The following CCR6 variants were observed in gnomAD, a reference collection of about 807,000 sequenced individuals.
CCR6 encodes the protein C-C motif chemokine receptor 6.
Under a neutral mutation model 3.0 loss-of-function variants are expected in CCR6, and 2 were observed. That is an observed-to-expected ratio of 0.66 (90% confidence interval 0.27 to 2.07). CCR6 has a LOEUF of 2.07. Ranked by LOEUF, CCR6 falls within the 30% of genes most tolerant of loss-of-function variation. The probability of loss-of-function intolerance (pLI) is 0.14; values close to 1 mark genes in which losing one functional copy is unlikely to be tolerated. For synonymous variants in CCR6, 193 were observed against 184.3 expected (o/e 1.05, Z -0.38); for missense variants, 322 against 462.8 (o/e 0.70, Z 2.79).
intron 1 of CCR6, chr6:167,115,470 C>CT (rs1191712787): frequency 6.6e-6 from 1 of 152,220 alleles, no homozygotes; most frequent in Non-Finnish European, 1.5e-5. Flanking sequence ...AACAATACCT[C>CT]TTTTTCCACA....
intron 1 of CCR6, among the ~76,000 whole-genome samples, chr6:167,114,779 T>A (rs1781468750): frequency 6.6e-6 from 1 of 152,186 alleles, no homozygotes. Context: ...TGAATCTGGG[T>A]CACCGAGCAG....
rs1562559576 is a variant in CCR6 at position 167,130,972 on chromosome 6, GACCA to G, written c.-97-5065_-97-5062del. 3.9e-3 allele frequency among the ~76,000 whole-genome samples: 471 copies of G among 120,766 alleles called. 12 individuals are homozygous for G. The highest frequency in any genetic ancestry group is 0.012 in the Middle Eastern group (3 of 246). The allele number at this position is 120,766 out of a possible 152,430, so 79.2% of individuals were successfully genotyped here. On this transcript the variant is annotated intron_variant, in intron 1 of 2. Transcript: ENST00000341935. ...CTCCCTCCGGGACTCCTCCCTCTGG[GACCA>G]CCCTCCCTCTGGACCCCCTCCCTTT...
At chr6:167,134,833 A>G (rs1228407444) in intron 1 of CCR6, 3 of 152,296 alleles carry the variant, frequency 2.0e-5, no homozygotes, top group African/African-American at 2.4e-5. Flanking sequence ...CATGGATTTT[A>G]CTGGGGGACG....
intron 1 of CCR6, among the ~76,000 whole-genome samples, chr6:167,123,497 A>G (rs778984718): frequency 6.6e-6 from 1 of 152,222 alleles, no homozygotes; most frequent in Non-Finnish European, 1.5e-5. Flanking sequence ...CTCCTCATAC[A>G]GGAGATATCC....
chr6:167,123,080 A>T (rs927442489), upstream of CCR6: 1 of 152,738 alleles, frequency 6.5e-6, no homozygotes, highest in Admixed American at 6.5e-5. Context: ...CTTTTGGGCA[A>T]TTCTAGTAGC....
chr6:167,123,556 C>G (rs1340642348), intron 1 of CCR6, among the ~76,000 whole-genome samples: 1 of 152,154 alleles, frequency 6.6e-6, no homozygotes, highest in African/African-American at 2.4e-5. Flanking sequence ...TGATCAAATA[C>G]ACTGAAAGAT....
intron 1 of CCR6, among the ~76,000 whole-genome samples, chr6:167,124,568 T>C (rs896007103): frequency 3.3e-5 from 5 of 152,340 alleles, no homozygotes; most frequent in African/African-American, 1.2e-4. Flanking sequence ...GGGAATTCTA[T>C]GGCATTTCAC....
At chr6:167,116,468 G>C (rs1781495098) in intron 1 of CCR6, among the ~76,000 whole-genome samples, 1 of 152,182 alleles carries the variant, frequency 6.6e-6, no homozygotes. Flanking sequence ...CCACAGCGCG[G>C]CAGATCCCTG....
At chr6:167,133,932 G>GTGTGTGTGTATATA (rs1183741225) in intron 1 of CCR6, among the ~76,000 whole-genome samples, 1 of 110,340 alleles carries the variant, frequency 9.1e-6, no homozygotes, top group Non-Finnish European at 1.7e-5. Flanking sequence ...ATATATGTGT[G>GTGTGTGTGTATATA]TATATATATA....
chr6:167,132,760 C>G lies in CCR6; in HGVS notation c.-97-3278C>G, dbSNP rs139497473. 4.1e-3 allele frequency among the ~76,000 whole-genome samples: 622 copies of G among 152,286 alleles called. 4 individuals are homozygous for G. Among genetic ancestry groups the G allele is most frequent in the Non-Finnish European group, 4.6e-3 (315 of 68,036 alleles). ...TTCACCATGTTGGCCAGGATGGTCT[C>G]GAACTCCTGGACTTAAGTGGTCCGT... On this transcript the variant is annotated intron_variant, in intron 1 of 2. Coordinates refer to ENST00000341935, the MANE Select transcript of CCR6 (RefSeq NM_031409.4).
At position 167,137,101 on chromosome 6, in the gene CCR6, G is replaced by T; in HGVS notation, c.871G>T (p.Glu291Ter). Reference sequence around the variant, plus strand: ...TAAAATGAACCGATCCTGCCAGAGCGAAAAGCTAATTGGCTATACGAAAAC... The same window carrying T: ...TAAAATGAACCGATCCTGCCAGAGCTAAAAGCTAATTGGCTATACGAAAAC... ...LGKMNRSCQS[E>*]KLIGYTKTVT... Residue 291 changes from glutamate (E) to a stop codon, truncating the protein, a stop_gained, in exon 3 of 3, where the codon GAA (glutamate) becomes TAA (stop). Transcript: ENST00000341935. LOFTEE classifies it low-confidence loss of function (END_TRUNC). The surrounding 1 kb of genome is among the most constrained non-coding windows in gnomAD (Gnocchi z 4.6). 6.2e-7 allele frequency: 1 copy of T among 1,614,144 alleles called. No homozygotes were observed. Among genetic ancestry groups the T allele is most frequent in the Non-Finnish European group, 8.5e-7 (1 of 1,180,050 alleles).
At position 167,138,299 on chromosome 6, in the gene CCR6, A is replaced by C. The variant is rs559501180; in HGVS notation, c.*944A>C. The C allele has an allele frequency of 7.6e-6, 1 of 131,372 alleles. No individual in the cohort carries two copies. Among genetic ancestry groups the C allele is most frequent in the Non-Finnish European group, 1.6e-5 (1 of 62,948 alleles). The allele number at this position is 131,372 out of a possible 1,614,324, so 8.1% of individuals were successfully genotyped here. A position where few individuals can be genotyped will look rare whatever the true frequency, so the allele number is the denominator to read the frequency against. On this transcript the variant is annotated 3_prime_UTR_variant, in exon 3 of 3. Transcript: ENST00000341935. The stretch of plus-strand genomic sequence containing the variant: ...TTAGATGTTTTTAATTTTTTAAATA[A>C]ATGGAATACTTTTTTTTTTTTTTTA...
At chr6:167,133,932 G>GTGTGTATA (rs1183741225) in intron 1 of CCR6, among the ~76,000 whole-genome samples, 1,456 of 110,316 alleles carry the variant, frequency 0.013, 43 homozygotes, top group Non-Finnish European at 0.019. Flanking sequence ...ATATATGTGT[G>GTGTGTATA]TATATATATA....
chr6:167,137,634 A>C lies in CCR6; in HGVS notation c.*279A>C. On this transcript the variant is annotated 3_prime_UTR_variant, in exon 3 of 3. Transcript: ENST00000341935. The surrounding 1 kb of genome is among the most constrained non-coding windows in gnomAD (Gnocchi z 4.6). Reference sequence around the variant, plus strand: ...CAAAACAGCCTTTGGGAAATGCTGAATTAAAGTGAATTGTTGACAAATGTA... The same window carrying C: ...CAAAACAGCCTTTGGGAAATGCTGACTTAAAGTGAATTGTTGACAAATGTA... The C allele has an allele frequency of 6.9e-6, 2 of 291,728 alleles. No individual in the cohort carries two copies. Among genetic ancestry groups the C allele is most frequent in the Middle Eastern group, 1.1e-3 (1 of 952 alleles). 18.1% of individuals were successfully genotyped at this position (291,728 alleles called of 1,614,324 possible). A position where few individuals can be genotyped will look rare whatever the true frequency, so the allele number is the denominator to read the frequency against.
Position 167,138,540 on chromosome 6 carries a change from A to C in CCR6, c.*1185A>C, listed in dbSNP as rs1490706608. 6.6e-6 allele frequency: 1 copy of C among 152,372 alleles called. No homozygotes were observed. Among genetic ancestry groups the C allele is most frequent in the Non-Finnish European group, 1.5e-5 (1 of 68,044 alleles). 9.4% of individuals were successfully genotyped at this position (152,372 alleles called of 1,614,324 possible). On this transcript the variant is annotated 3_prime_UTR_variant, in exon 3 of 3. Coordinates refer to ENST00000341935, the MANE Select transcript of CCR6 (RefSeq NM_031409.4). The stretch of plus-strand genomic sequence containing the variant: ...AACAGCTCTCTTCAATGACATAGAA[A>C]GTTCATGGAACTCATGTTTTTAAAG...
rs768669286 is a variant in CCR6 at position 167,136,666 on chromosome 6, G to A, written c.436G>A (p.Ala146Thr). ...LTCISMDRYI[A>T]IVQATKSFRL... ...TTGCATTAGCATGGACCGGTACATC[G>A]CCATTGTACAGGCGACTAAGTCATT... Residue 146 changes from alanine to threonine, a missense_variant, in exon 3 of 3, where the codon GCC becomes ACC. By Grantham distance (58) the Ala-to-Thr change is moderately conservative. Transcript: ENST00000341935. The surrounding 1 kb of genome is among the most constrained non-coding windows in gnomAD (Gnocchi z 4.6). 2.5e-6 allele frequency: 4 copies of A among 1,614,088 alleles called. No individual in the cohort carries two copies. The highest frequency in any genetic ancestry group is 1.1e-5 in the South Asian group (1 of 91,084).
chr6:167,136,524 T>A lies in CCR6; in HGVS notation c.294T>A (p.Thr98=), dbSNP rs976975121. The A allele has an allele frequency of 2.5e-6, 4 of 1,590,194 alleles. No individual in the cohort carries two copies. In the African/African-American group the frequency reaches 5.4e-5, roughly 21 times the overall value. ...MAIADILFVL[T]LPFWAVSHAT... ...TTGCAGACATCCTCTTTGTTCTTAC[T>A]CTCCCATTCTGGGCAGTGAGTCATG... is the stretch of plus-strand genomic sequence containing the variant. The change falls in exon 3 of 3, where the codon ACT becomes ACA. Residue 98 remains threonine, a synonymous_variant. Coordinates refer to ENST00000341935, the MANE Select transcript of CCR6 (RefSeq NM_031409.4). This position sits in a 1 kb window ranked among gnomAD's most constrained non-coding sequence, Gnocchi z 4.6.
Position 167,136,371 on chromosome 6 carries a change from A to G in CCR6, c.141A>G (p.Leu47=). 1.2e-6 allele frequency: 2 copies of G among 1,614,134 alleles called. No homozygotes were observed. Among genetic ancestry groups the G allele is most frequent in the Non-Finnish European group, 1.7e-6 (2 of 1,180,026 alleles). ...SLQEVRQFSR[L]FVPIAYSLIC... ...AGGAGGTCAGGCAGTTCTCCAGGCT[A>G]TTTGTACCGATTGCCTACTCCTTGA... is the stretch of plus-strand genomic sequence containing the variant. Residue 47 remains leucine, a synonymous_variant, in exon 3 of 3, where the codon CTA becomes CTG. Coordinates refer to ENST00000341935, the MANE Select transcript of CCR6 (RefSeq NM_031409.4). This position sits in a 1 kb window ranked among gnomAD's most constrained non-coding sequence, Gnocchi z 4.6.
chr6:167,121,269 C>T (rs567739408), upstream of CCR6, among the ~76,000 whole-genome samples: 16 of 152,368 alleles, frequency 1.1e-4, no homozygotes, highest in East Asian at 1.9e-4. Flanking sequence ...CCACACAACG[C>T]GGTTTTGTTC....
Sources: gnomAD v4.1 joint callset for allele counts (sites outside exome capture counted in the v4.1 genomes callset) on GRCh38, gnomAD v4.1.1 for gene constraint, Gnocchi (gnomAD v3.1) non-coding constraint, MANE v1.5 for transcripts, NCBI Gene and HGNC (gene_info 2026-07-23, HGNC 2026-07-21) for gene names.